MINDY2: variants seen among roughly 807,000 people sequenced by gnomAD.
MINDY2 encodes MINDY lysine 48 deubiquitinase 2, also known as ubiquitin carboxyl-terminal hydrolase MINDY-2.
A neutral mutation model predicts 68.2 loss-of-function variants in MINDY2; 52 were observed. The ratio of observed to expected loss-of-function variants is 0.76; its 90% CI spans 0.61 to 0.96. MINDY2 has a LOEUF of 0.96. Among genes scored for constraint, MINDY2 ranks in the 40% least tolerant of loss-of-function variants. MINDY2 has a pLI of 0.00. For synonymous variants in MINDY2, 372 were observed against 303.0 expected (o/e 1.23, Z -2.36); for missense variants, 881 against 773.4 (o/e 1.14, Z -1.65).
chr15:58,781,195 ACC>A (rs1163326490), intron 1 of MINDY2, among the ~76,000 whole-genome samples: 1 of 151,988 alleles, frequency 6.6e-6, no homozygotes, highest in Non-Finnish European at 1.5e-5. Flanking sequence ...GATTACAGAC[ACC>A]TGCCCCCATG....
chr15:58,782,182 C>T (rs559819275), intron 1 of MINDY2, among the ~76,000 whole-genome samples: 1 of 151,948 alleles, frequency 6.6e-6, no homozygotes, highest in African/African-American at 2.4e-5. Context: ...ATTAATACTT[C>T]TAATATTTTC....
intron 2 of MINDY2, among the ~76,000 whole-genome samples, chr15:58,801,814 A>G (rs1902680439): frequency 6.6e-6 from 1 of 151,946 alleles, no homozygotes; most frequent in Admixed American, 6.6e-5. Flanking sequence ...TAATTTTTGT[A>G]TTTTTAGTAG....
intron 2 of MINDY2, among the ~76,000 whole-genome samples, chr15:58,797,367 G>A (rs1338953780): frequency 6.6e-6 from 1 of 152,074 alleles, no homozygotes; most frequent in Non-Finnish European, 1.5e-5. Context: ...AATTAGCCAT[G>A]TGTGATGATG....
At chr15:58,837,148 G>C (rs961697140) in intron 6 of MINDY2, among the ~76,000 whole-genome samples, 1 of 152,150 alleles carries the variant, frequency 6.6e-6, no homozygotes, top group African/African-American at 2.4e-5. Flanking sequence ...AGAGGATTGT[G>C]CCTTTGTTCT....
Position 58,860,123 on chromosome 15 carries a change from C to T in MINDY2, c.*5513C>T, listed in dbSNP as rs1448910268. 1 of 152,138 alleles carries T rather than the reference C, an allele frequency of 6.6e-6. No individual in the cohort carries two copies. The highest frequency in any genetic ancestry group is 1.5e-5 in the Non-Finnish European group (1 of 68,036). 9.4% of individuals were successfully genotyped at this position (152,138 alleles called of 1,614,324 possible). A position where few individuals can be genotyped will look rare whatever the true frequency, so the allele number is the denominator to read the frequency against. The stretch of plus-strand genomic sequence containing the variant: ...TTCAAACTACTTAATAATTTGTCAC[C>T]ATTAACTTTAATATCCAGTTTTAAT... On this transcript the variant is annotated 3_prime_UTR_variant, in exon 9 of 9. Transcript: ENST00000559228.
rs2033053098 is a variant in MINDY2, at chr15:58,856,060, C to T, written c.*1450C>T. The T allele has an allele frequency of 6.6e-6, 1 of 152,594 alleles. No homozygotes were observed. The highest frequency in any genetic ancestry group is 1.5e-5 in the Non-Finnish European group (1 of 68,028). 9.5% of individuals were successfully genotyped at this position (152,594 alleles called of 1,614,324 possible). A position where few individuals can be genotyped will look rare whatever the true frequency, so the allele number is the denominator to read the frequency against. ...ATATTTATTTAACTTTATTATGAGG[C>T]CACACATATTTTCCTGTGTTTCTAT... On this transcript the variant is annotated 3_prime_UTR_variant, in exon 9 of 9. Coordinates refer to ENST00000559228, the MANE Select transcript of MINDY2 (RefSeq NM_001040450.3).
At chr15:58,798,549 G>A (rs1013489188) in intron 2 of MINDY2, among the ~76,000 whole-genome samples, 1 of 150,436 alleles carries the variant, frequency 6.6e-6, no homozygotes, top group African/African-American at 2.5e-5. Context: ...TCTGCCTCCT[G>A]GGTTCAAGCG....
At chr15:58,835,479 C>G (rs1240054394) in intron 6 of MINDY2, among the ~76,000 whole-genome samples, 2 of 152,054 alleles carry the variant, frequency 1.3e-5, no homozygotes, top group African/African-American at 4.8e-5. Context: ...ATGGTGAAAC[C>G]CCGTCTTTAC....
At chr15:58,785,448 C>T (rs1432159671) in intron 1 of MINDY2, among the ~76,000 whole-genome samples, 1 of 152,056 alleles carries the variant, frequency 6.6e-6, no homozygotes, top group Non-Finnish European at 1.5e-5. Context: ...CTTTGCATGC[C>T]ATACTGTCTC....
chr15:58,834,254 C>T (rs2031887474), intron 6 of MINDY2, among the ~76,000 whole-genome samples: 2 of 152,186 alleles, frequency 1.3e-5, no homozygotes, highest in Admixed American at 6.5e-5. Flanking sequence ...CTACTTTCTG[C>T]ACAGACACAG....
chr15:58,817,355 G>C (rs1400460420), intron 4 of MINDY2, among the ~76,000 whole-genome samples: 1 of 151,938 alleles, frequency 6.6e-6, no homozygotes, highest in Non-Finnish European at 1.5e-5. Context: ...CATATGAATT[G>C]GTCATCAGAG....
intron 1 of MINDY2, among the ~76,000 whole-genome samples, chr15:58,775,319 GGAACAAAAAGTTTGA>G (rs1216120473): frequency 3.9e-5 from 6 of 152,066 alleles, no homozygotes; most frequent in African/African-American, 1.4e-4. Flanking sequence ...AAGGGCTCTG[GGAACAAAAAGTTTGA>G]GAAATGCTTT....
intron 5 of MINDY2, among the ~76,000 whole-genome samples, chr15:58,830,933 G>C (rs938208514): frequency 1.3e-5 from 2 of 151,502 alleles, no homozygotes; most frequent in Non-Finnish European, 2.9e-5. Context: ...TTGATTTGGG[G>C]GATCTAAATA....
At chr15:58,819,838 G>T (rs1179720312) in intron 4 of MINDY2, among the ~76,000 whole-genome samples, 1 of 152,204 alleles carries the variant, frequency 6.6e-6, no homozygotes, top group Non-Finnish European at 1.5e-5. Context: ...ATCAAAGCTG[G>T]AACTCATAGA....
chr15:58,835,912 T>C lies in MINDY2; in HGVS notation c.1368+3996T>C, dbSNP rs148092923. Among the ~76,000 whole-genome samples, 1,103 of 152,092 alleles carry C rather than the reference T, an allele frequency of 7.3e-3. 8 individuals carry two copies. Among genetic ancestry groups the C allele is most frequent in the South Asian group, 0.017 (83 of 4,818 alleles). ...AAAGTCTTGGGTTTTTTGTTTTGTT[T>C]TGTTTTGTTTTGTTTTTGAGATGGG... On this transcript the variant is annotated intron_variant, in intron 6 of 8. Transcript: ENST00000559228.
intron 4 of MINDY2, among the ~76,000 whole-genome samples, chr15:58,818,320 G>A (rs764390895): frequency 9.9e-5 from 15 of 152,236 alleles, no homozygotes; most frequent in South Asian, 2.1e-4. Flanking sequence ...GTGCAGTGGC[G>A]TGATCATAGC....
intron 5 of MINDY2, among the ~76,000 whole-genome samples, chr15:58,829,335 A>G (rs2031591777): frequency 6.6e-6 from 1 of 152,210 alleles, no homozygotes; most frequent in Non-Finnish European, 1.5e-5. Context: ...TTCAAGTGGC[A>G]TTTATAATAC....
intron 1 of MINDY2, among the ~76,000 whole-genome samples, chr15:58,786,320 A>G (rs1901494835): frequency 6.6e-6 from 1 of 152,184 alleles, no homozygotes. Context: ...ATTTTTAACA[A>G]TGTTACTATT....
At position 58,827,334 on chromosome 15, in the gene MINDY2, C is replaced by G. The variant is rs142984787; in HGVS notation, c.1226-4440C>G. Among the ~76,000 whole-genome samples, 244 of 152,242 alleles carry G rather than the reference C, an allele frequency of 1.6e-3. 1 individual carries two copies. The highest frequency in any genetic ancestry group is 5.5e-3 in the African/African-American group (230 of 41,542). On this transcript the variant is annotated intron_variant, in intron 5 of 8. Transcript: ENST00000559228. ...TGGTTCTTGCCTGAATCAGTTATTA[C>G]TGTGGTGGTTATAATTTCTGTTATT...
Sources: gnomAD v4.1 joint callset for allele counts (sites outside exome capture counted in the v4.1 genomes callset) on GRCh38, gnomAD v4.1.1 for gene constraint, MANE v1.5 for transcripts, NCBI Gene and HGNC (gene_info 2026-07-23, HGNC 2026-07-21) for gene names.